The following CCDC146 variants were observed in gnomAD, a reference collection of about 807,000 sequenced individuals.
The protein encoded by CCDC146 is coiled-coil domain-containing protein 146.
In CCDC146, 92 loss-of-function variants were observed where a neutral mutation model predicts 119.3. That is an observed-to-expected ratio of 0.77 (90% CI 0.65 to 0.92). The LOEUF is 0.92. Among genes scored for constraint, CCDC146 ranks in the 40% least tolerant of loss-of-function variants. The pLI is 0.00. For missense variants in CCDC146, 1,000 were observed against 1,103.0 expected (o/e 0.91, Z 1.32); for synonymous variants, 372 against 371.8 (o/e 1.00, Z -0.01).
At chr7:77,211,679 G>A (rs1792187370) in intron 2 of CCDC146, among the ~76,000 whole-genome samples, 1 of 151,968 alleles carries the variant, frequency 6.6e-6, no homozygotes, top group Non-Finnish European at 1.5e-5. Context: ...GCAGTGGCGT[G>A]ATCTCAGCTC....
chr7:77,142,749 C>A (rs530272178), intron 1 of CCDC146, among the ~76,000 whole-genome samples: 3 of 151,634 alleles, frequency 2.0e-5, no homozygotes, highest in African/African-American at 4.9e-5. Flanking sequence ...TGAACTCATC[C>A]TTTTTTATGG....
chr7:77,276,674 G>A (rs1793647519), intron 11 of CCDC146, among the ~76,000 whole-genome samples: 1 of 152,176 alleles, frequency 6.6e-6, no homozygotes, highest in Admixed American at 6.5e-5. Context: ...TAAAGAAGTG[G>A]TCAGGGAGGA....
At position 77,206,648 on chromosome 7, in the gene CCDC146, C is replaced by CATAT. The variant is rs59790661; in HGVS notation, c.157-30277_157-30274dup. ...ACTCTGTCTCCAAAAAAGAAACATA[C>CATAT]ATATATATATATATATATATATATA... On this transcript the variant is annotated intron_variant, in intron 2 of 18. Coordinates refer to ENST00000285871, the MANE Select transcript of CCDC146 (RefSeq NM_020879.3). 7.4e-3 allele frequency among the ~76,000 whole-genome samples: 1,027 copies of CATAT among 139,188 alleles called. 4 individuals carry two copies. Among genetic ancestry groups the CATAT allele is most frequent in the South Asian group, 0.02 (86 of 4,396 alleles). The allele number at this position is 139,188 out of a possible 152,430, so 91.3% of individuals were successfully genotyped here. A position where few individuals can be genotyped will look rare whatever the true frequency, so the allele number is the denominator to read the frequency against.
At chr7:77,236,872 C>T (rs1031815525) in intron 2 of CCDC146, 75 bp from the exon 3 acceptor site, 2 of 1,064,480 alleles carry the variant, frequency 1.9e-6, no homozygotes, top group African/African-American at 3.1e-5. Context: ...ATAAGATAAC[C>T]ATATATCCAT....
At chr7:77,243,541 A>G (rs895976478) in intron 4 of CCDC146, among the ~76,000 whole-genome samples, 4 of 152,220 alleles carry the variant, frequency 2.6e-5, no homozygotes, top group African/African-American at 7.2e-5. Context: ...TGCACCACAT[A>G]ATGGTGTTTC....
intron 2 of CCDC146, among the ~76,000 whole-genome samples, chr7:77,171,375 A>G (rs1053475569): frequency 2.7e-4 from 41 of 152,326 alleles, no homozygotes; most frequent in African/African-American, 9.9e-4. Flanking sequence ...AGTCATATAA[A>G]TAAGTTTCCC....
intron 3 of CCDC146, among the ~76,000 whole-genome samples, chr7:77,241,007 G>A (rs1423985126): frequency 7.0e-6 from 1 of 143,550 alleles, no homozygotes; most frequent in African/African-American, 2.7e-5. Flanking sequence ...TGTTTTTTTG[G>A]GTTTTTTTTT....
chr7:77,193,051 T>C (rs554474062), intron 2 of CCDC146, among the ~76,000 whole-genome samples: 24 of 151,820 alleles, frequency 1.6e-4, no homozygotes, highest in South Asian at 1.0e-3. Context: ...AAAGTTGGAC[T>C]GGAATAGACT....
At chr7:77,287,394 T>C (rs1195901385) in intron 16 of CCDC146, 46 bp from the exon 17 acceptor site, 15 of 1,601,672 alleles carry the variant, frequency 9.4e-6, no homozygotes, top group Non-Finnish European at 5.1e-6. Flanking sequence ...GATTTTGTCT[T>C]AGATGACTTT....
At chr7:77,281,301 A>G (rs1435259462) in intron 14 of CCDC146, among the ~76,000 whole-genome samples, 2 of 152,158 alleles carry the variant, frequency 1.3e-5, no homozygotes, top group African/African-American at 4.8e-5. Context: ...CTTGTACCCA[A>G]TGTTGTGGTA....
At chr7:77,254,209 G>T (rs1220026001) in intron 4 of CCDC146, among the ~76,000 whole-genome samples, 1 of 152,144 alleles carries the variant, frequency 6.6e-6, no homozygotes, top group African/African-American at 2.4e-5. Flanking sequence ...AGGAGAAAAA[G>T]CCCAGAGCCT....
chr7:77,245,159 A>G (rs913428200), intron 4 of CCDC146, among the ~76,000 whole-genome samples: 3 of 152,226 alleles, frequency 2.0e-5, no homozygotes, highest in African/African-American at 4.8e-5. Context: ...AATTAAATCT[A>G]TGTTGCAGTA....
At chr7:77,157,151 C>T (rs1791190445) in intron 1 of CCDC146, among the ~76,000 whole-genome samples, 1 of 97,552 alleles carries the variant, frequency 1.0e-5, no homozygotes, top group Non-Finnish European at 2.0e-5. Flanking sequence ...GGAAGGAGCA[C>T]CCAATCTTAT....
At chr7:77,210,227 G>T (rs1040102393) in intron 2 of CCDC146, among the ~76,000 whole-genome samples, 1 of 152,182 alleles carries the variant, frequency 6.6e-6, no homozygotes, top group Non-Finnish European at 1.5e-5. Flanking sequence ...AGTGTATGCT[G>T]TTAGAAGCAG....
intron 2 of CCDC146, chr7:77,195,595 A>T (rs920333640): frequency 6.6e-6 from 1 of 152,174 alleles, no homozygotes; most frequent in South Asian, 2.1e-4. Context: ...ATACCTTCAG[A>T]TGTGCTTAAA....
chr7:77,132,516 A>G (rs566476941), intron 1 of CCDC146, among the ~76,000 whole-genome samples: 1 of 147,712 alleles, frequency 6.8e-6, no homozygotes, highest in Admixed American at 7.0e-5. Context: ...CAGGAGTTCA[A>G]GATCAGCCTG....
chr7:77,135,988 C>CA (rs1790855451), intron 1 of CCDC146, among the ~76,000 whole-genome samples: 1 of 152,166 alleles, frequency 6.6e-6, no homozygotes, highest in South Asian at 2.1e-4. Flanking sequence ...GTGCACCTAA[C>CA]AAGAGCATCA....
chr7:77,189,478 G>C (rs151270396), intron 2 of CCDC146, among the ~76,000 whole-genome samples: 1 of 152,106 alleles, frequency 6.6e-6, no homozygotes, highest in African/African-American at 2.4e-5. Flanking sequence ...CCTACAGTCT[G>C]TTTTCCACTT....
Position 77,259,062 on chromosome 7 carries a change from A to G in CCDC146, c.752A>G (p.Lys251Arg). 1 of 1,596,086 alleles carries G rather than the reference A, an allele frequency of 6.3e-7. No homozygotes were observed. The highest frequency in any genetic ancestry group is 8.6e-7 in the Non-Finnish European group (1 of 1,164,642). Reference protein sequence around the residue: ...IGKEIEKITRKKVEMEKKKIV... With the variant: ...IGKEIEKITRRKVEMEKKKIV... ...AAAGAGATAGAAAAAATAACACGCA[A>G]AAAAGTGTATGATTTAATATTTTTA... Residue 251 changes from lysine to arginine, a missense_variant, in exon 7 of 19, where the codon AAA becomes AGA. By Grantham distance (26) the Lys-to-Arg change is conservative. Around this residue, in one of 2 missense-constraint regions of CCDC146, gnomAD observed 985 missense variants for 1,045.3 expected, o/e 0.94. Coordinates refer to ENST00000285871, the MANE Select transcript of CCDC146 (RefSeq NM_020879.3).
Sources: allele counts gnomAD v4.1 joint callset (sites outside exome capture counted in the v4.1 genomes callset), GRCh38; gene constraint gnomAD v4.1.1; regional missense constraint gnomAD v4.1.1; transcripts MANE v1.5; gene names NCBI Gene and HGNC (gene_info 2026-07-23, HGNC 2026-07-21).